The following PSAT1 variants were observed in gnomAD, a reference collection of about 807,000 sequenced individuals.
The protein encoded by PSAT1 is phosphoserine aminotransferase 1, also known as phosphoserine aminotransferase.
In PSAT1, 41 loss-of-function variants were observed where a neutral mutation model predicts 40.3. The observed-to-expected ratio is 1.02, with a 90% CI of 0.79 to 1.32. PSAT1 has a LOEUF of 1.32. Ranked by LOEUF, PSAT1 falls within the 40% of genes most tolerant of loss-of-function variation. PSAT1 has a pLI of 0.00. For synonymous variants in PSAT1, 147 were observed against 170.5 expected, an observed-to-expected ratio of 0.86 and a Z score of 1.07; for missense variants, 406 against 455.8, an observed-to-expected ratio of 0.89 and a Z score of 0.99.
At chr9:78,310,212 C>T (rs1033204873) in intron 6 of PSAT1, among the ~76,000 whole-genome samples, 1 of 152,126 alleles carries the variant, frequency 6.6e-6, no homozygotes, top group Non-Finnish European at 1.5e-5. Flanking sequence ...TAGTAGGTAG[C>T]CAGTGTTATG....
At chr9:78,301,691 G>C (rs1828109704) in intron 2 of PSAT1, among the ~76,000 whole-genome samples, 2 of 152,140 alleles carry the variant, frequency 1.3e-5, no homozygotes, top group African/African-American at 4.8e-5. Flanking sequence ...AGAGCATCAC[G>C]GAGTGATGAA....
rs776521035 is a variant in PSAT1 at position 78,306,501 on chromosome 9, G to T, written c.570+15G>T. 4 of 1,613,994 alleles carry T rather than the reference G, an allele frequency of 2.5e-6. No homozygotes were observed. The African/African-American group carries it at 4.0e-5, about 16-fold the overall frequency. ...ATGTTTCCAAGGTAGAGTATAAAAGGCAGGGTGAGGGGAACCCACTGACTC... is the reference window on the plus strand; with the variant it reads ...ATGTTTCCAAGGTAGAGTATAAAAGTCAGGGTGAGGGGAACCCACTGACTC... On this transcript the variant is annotated intron_variant, in intron 5 of 8. Coordinates refer to ENST00000376588, the MANE Select transcript of PSAT1 (RefSeq NM_058179.4).
chr9:78,304,923 A>G lies in PSAT1; in HGVS notation c.380A>G (p.Lys127Arg). The G allele has an allele frequency of 6.2e-7, 1 of 1,612,506 alleles. No individual in the cohort carries two copies. The highest frequency in any genetic ancestry group is 8.5e-7 in the Non-Finnish European group (1 of 1,180,024). Residue 127 changes from lysine (K) to arginine (R), a missense_variant, in exon 4 of 9, where the codon AAA (lysine) becomes AGA (arginine). Transcript: ENST00000376588. ...GGGACTATAAATATCGTTCACCCTA[A>G]ACTTGGGAGTTATACAAGTAAGTTC... is the stretch of plus-strand genomic sequence containing the variant. The part of the protein sequence containing the change: ...KFGTINIVHP[K>R]LGSYTKIPDP...
At position 78,304,765 on chromosome 9, in the gene PSAT1, T is replaced by G; in HGVS notation, c.222T>G (p.Phe74Leu). 1 of 1,614,180 alleles carries G rather than the reference T, an allele frequency of 6.2e-7. No homozygotes were observed. Among genetic ancestry groups the G allele is most frequent in the African/African-American group, 1.3e-5 (1 of 75,056 alleles). ...TTCCAGACAACTATAAGGTGATTTT[T>G]CTGCAAGGAGGTGGGTGCGGCCAGT... Reference protein sequence around the residue: ...LAVPDNYKVIFLQGGGCGQFS... With the variant: ...LAVPDNYKVILLQGGGCGQFS... The change falls in exon 4 of 9, where the codon TTT becomes TTG. Residue 74 changes from phenylalanine to leucine, a missense_variant. Phe to Leu is a conservative substitution (Grantham distance 22, BLOSUM62 0). Transcript: ENST00000376588.
intron 4 of PSAT1, among the ~76,000 whole-genome samples, chr9:78,305,291 T>G (rs895065626): frequency 2.0e-5 from 3 of 152,140 alleles, no homozygotes; most frequent in African/African-American, 7.2e-5. Context: ...ATTTTTGTAT[T>G]TTTAGTAGAG....
intron 7 of PSAT1, among the ~76,000 whole-genome samples, chr9:78,318,748 G>C (rs1173880211): frequency 6.6e-6 from 1 of 152,192 alleles, no homozygotes; most frequent in Non-Finnish European, 1.5e-5. Context: ...TTCACATAAT[G>C]ACATCTGCAA....
At position 78,297,131 on chromosome 9, in the gene PSAT1, T is replaced by C. The variant is rs2118609637; in HGVS notation, c.-80T>C. 1.4e-6 allele frequency: 2 copies of C among 1,440,306 alleles called. No homozygotes were observed. The highest frequency in any genetic ancestry group is 1.9e-6 in the Non-Finnish European group (2 of 1,054,380). 89.2% of individuals were successfully genotyped at this position (1,440,306 alleles called of 1,614,324 possible). ...CGGGGGTTCGGGGCCGGCTGCAGAC[T>C]CTCACCGCAGCGGCCAGGAACGCCA... On this transcript the variant is annotated 5_prime_UTR_variant, in exon 1 of 9. Transcript: ENST00000376588.
At chr9:78,320,075 C>T (rs1297594164) in intron 7 of PSAT1, among the ~76,000 whole-genome samples, 1 of 151,862 alleles carries the variant, frequency 6.6e-6, no homozygotes, top group Non-Finnish European at 1.5e-5. Context: ...ACCCACCCAT[C>T]CATCTATTCA....
rs1408587715 is a variant in PSAT1 at position 78,317,758 on chromosome 9, T to C, written c.823T>C (p.Ser275Pro). Reference sequence around the variant, plus strand: ...CATGGAGAAGCTTAGCTCCATCAAATCTCAAACAATTTATGAGATTATTGA... The same window carrying C: ...CATGGAGAAGCTTAGCTCCATCAAACCTCAAACAATTTATGAGATTATTGA... ...AAMEKLSSIK[S>P]QTIYEIIDNS... Residue 275 changes from serine to proline, a missense_variant, in exon 7 of 9, where the codon TCT becomes CCT. By Grantham distance (74) the Ser-to-Pro change is moderately conservative. Transcript: ENST00000376588. 2.5e-6 allele frequency: 4 copies of C among 1,613,440 alleles called. No individual in the cohort carries two copies. The highest frequency in any genetic ancestry group is 3.4e-6 in the Non-Finnish European group (4 of 1,179,738).
intron 6 of PSAT1, 100 bp downstream of exon 6, chr9:78,308,683 C>A: frequency 7.2e-7 from 1 of 1,395,306 alleles, no homozygotes; most frequent in Non-Finnish European, 9.8e-7. Flanking sequence ...AGCCTGGGCG[C>A]GGTGGCTCAC....
At chr9:78,321,390 G>A (rs1309186378) in intron 7 of PSAT1, among the ~76,000 whole-genome samples, 5 of 152,180 alleles carry the variant, frequency 3.3e-5, no homozygotes, top group South Asian at 2.1e-4. Context: ...AGATTTTCAG[G>A]AAATTCTTCT....
At chr9:78,328,004 C>A (rs777425362) in intron 7 of PSAT1, 47 bp from the exon 8 acceptor site, 3 of 1,587,062 alleles carry the variant, frequency 1.9e-6, no homozygotes, top group Non-Finnish European at 2.6e-6. Context: ...TTTATGACAA[C>A]CCATACATTT....
chr9:78,325,448 C>T (rs918650712), intron 7 of PSAT1, among the ~76,000 whole-genome samples: 1 of 152,242 alleles, frequency 6.6e-6, no homozygotes, highest in Admixed American at 6.5e-5. Context: ...TCCAGCCACC[C>T]CAGCCAGGAA....
chr9:78,304,673 C>G, intron 3 of PSAT1, 62 bp from the exon 4 acceptor site: 1 of 1,488,200 alleles, frequency 6.7e-7, no homozygotes, highest in Non-Finnish European at 9.4e-7. Flanking sequence ...TAGAGCATCA[C>G]TTGTTCTCAA....
Position 78,321,780 on chromosome 9 carries a change from C to T in PSAT1, c.869+3976C>T, listed in dbSNP as rs1012545050. Among the ~76,000 whole-genome samples the T allele has an allele frequency of 5.3e-5, 8 of 152,208 alleles. 1 individual carries two copies. The highest frequency in any genetic ancestry group is 4.1e-4 in the South Asian group (2 of 4,834). On this transcript the variant is annotated intron_variant, in intron 7 of 8. Coordinates refer to ENST00000376588, the MANE Select transcript of PSAT1 (RefSeq NM_058179.4). The stretch of plus-strand genomic sequence containing the variant: ...TGGGCTTAGAAGCCCCATTTTGCCA[C>T]GGTGGTGCGTGTGACCTCGTGCAAA...
chr9:78,308,662 T>C (rs1437269237), intron 6 of PSAT1, 79 bp downstream of exon 6: 1 of 1,551,732 alleles, frequency 6.4e-7, no homozygotes, highest in Admixed American at 1.8e-5. Flanking sequence ...CATTTTAAAA[T>C]AAAACATGTA....
intron 5 of PSAT1, among the ~76,000 whole-genome samples, chr9:78,308,190 C>T (rs1207505657): frequency 6.6e-6 from 1 of 152,074 alleles, no homozygotes; most frequent in East Asian, 1.9e-4. Flanking sequence ...TTGGGTTAGC[C>T]CCATCCAGGT....
intron 7 of PSAT1, among the ~76,000 whole-genome samples, chr9:78,326,953 A>ATTTTTTTT (rs1397133333): frequency 1.8e-4 from 15 of 81,464 alleles, no homozygotes; most frequent in South Asian, 1.1e-3. Flanking sequence ...ATATATATAT[A>ATTTTTTTT]TATTTTTTTT....
chr9:78,320,957 G>A (rs1229432213), intron 7 of PSAT1, among the ~76,000 whole-genome samples: 2 of 152,040 alleles, frequency 1.3e-5, no homozygotes, highest in East Asian at 1.9e-4. Context: ...AAAAATTAAG[G>A]GCATCAGGAA....
Sources: allele counts gnomAD v4.1 joint callset (sites outside exome capture counted in the v4.1 genomes callset), GRCh38; gene constraint gnomAD v4.1.1; transcripts MANE v1.5; gene names NCBI Gene and HGNC (gene_info 2026-07-23, HGNC 2026-07-21).